The following WWP2 variants were observed in gnomAD, a reference collection of about 807,000 sequenced individuals.
WWP2 encodes the protein WW domain containing E3 ubiquitin protein ligase 2, also known as NEDD4-like E3 ubiquitin-protein ligase WWP2.
In WWP2, 57 loss-of-function variants were observed where a neutral mutation model predicts 121.0. That is an observed-to-expected ratio of 0.47 (90% CI 0.38 to 0.59). The LOEUF is 0.59. Ranked by LOEUF, WWP2 falls within the 20% of genes least tolerant of loss-of-function variation. WWP2 has a pLI of 0.00. For missense variants in WWP2, 962 were observed against 1,158.9 expected (o/e 0.83, Z 2.47); for synonymous variants, 449 against 441.3 (o/e 1.02, Z -0.22).
At chr16:69,939,451 CA>C in intron 23 of WWP2, 38 bp downstream of exon 23, 1 of 1,609,552 alleles carries the variant, frequency 6.2e-7, no homozygotes, top group Non-Finnish European at 8.5e-7. Flanking sequence ...CGGGGGGCCT[CA>C]GACCCGATGA....
At chr16:69,910,679 G>C (rs2058366727) in intron 9 of WWP2, among the ~76,000 whole-genome samples, 1 of 152,196 alleles carries the variant, frequency 6.6e-6, no homozygotes, top group South Asian at 2.1e-4. Context: ...AAAGTGCTGG[G>C]ATTACAGATG....
chr16:69,763,009 T>C (rs1031071305), intron 1 of WWP2, among the ~76,000 whole-genome samples: 3 of 152,098 alleles, frequency 2.0e-5, no homozygotes, highest in African/African-American at 7.2e-5. Flanking sequence ...GCCCTTCAGC[T>C]CATTTTTCTT....
At chr16:69,817,619 A>G (rs990363415) in intron 4 of WWP2, among the ~76,000 whole-genome samples, 8 of 98,422 alleles carry the variant, frequency 8.1e-5, no homozygotes, top group South Asian at 2.9e-4. Flanking sequence ...GGCCCTTTCT[A>G]TTGTTTTTTA....
chr16:69,913,768 A>G (rs2058435914), intron 9 of WWP2, among the ~76,000 whole-genome samples: 1 of 151,922 alleles, frequency 6.6e-6, no homozygotes, highest in Non-Finnish European at 1.5e-5. Flanking sequence ...ATTCAGTAGA[A>G]TGGTTGAAAG....
At chr16:69,780,238 C>T (rs910320064) in intron 1 of WWP2, among the ~76,000 whole-genome samples, 1 of 149,088 alleles carries the variant, frequency 6.7e-6, no homozygotes, top group African/African-American at 2.5e-5. Context: ...AGACATCGTA[C>T]TAAGGCTGCC....
intron 8 of WWP2, among the ~76,000 whole-genome samples, chr16:69,890,121 ATT>A (rs57520353): frequency 2.6e-4 from 34 of 133,028 alleles, no homozygotes; most frequent in South Asian, 7.3e-4. Flanking sequence ...TGCCTGGATA[ATT>A]TTTTTTTTTT....
chr16:69,896,569 TA>T (rs1407618094), intron 8 of WWP2, among the ~76,000 whole-genome samples: 1 of 152,158 alleles, frequency 6.6e-6, no homozygotes, highest in African/African-American at 2.4e-5. Context: ...CAGTGGCCCT[TA>T]AAATTTTTTA....
intron 8 of WWP2, among the ~76,000 whole-genome samples, chr16:69,900,939 G>A (rs1272752675): frequency 6.6e-6 from 1 of 152,168 alleles, no homozygotes; most frequent in Non-Finnish European, 1.5e-5. Flanking sequence ...GAGGCATAAA[G>A]TGCTGGTTGT....
chr16:69,882,756 T>C (rs1367130191), intron 7 of WWP2, among the ~76,000 whole-genome samples: 1 of 152,196 alleles, frequency 6.6e-6, no homozygotes, highest in Non-Finnish European at 1.5e-5. Flanking sequence ...AAATCTGCCC[T>C]CGCTCTCAAG....
chr16:69,864,099 C>T (rs1380247707), intron 6 of WWP2, among the ~76,000 whole-genome samples: 1 of 152,056 alleles, frequency 6.6e-6, no homozygotes, highest in Non-Finnish European at 1.5e-5. Context: ...TGTGGTGGCT[C>T]ATGCCTGTAA....
chr16:69,826,571 C>CAAAA (rs762732099), intron 4 of WWP2, among the ~76,000 whole-genome samples: 122 of 37,226 alleles, frequency 3.3e-3, no homozygotes, highest in Non-Finnish European at 5.6e-3. Flanking sequence ...GACTCCGTCT[C>CAAAA]AAAAAAAAAA....
In WWP2 at chr16:69,799,247, A is replaced by G. The variant is rs2056112146; in HGVS notation, c.292A>G (p.Thr98Ala). Reference sequence around the variant, plus strand: ...TACCTTGAGAAATGAACTGCTAGGCACCGCATCTGTCAACCTCTCCAACGT... The same window carrying G: ...TACCTTGAGAAATGAACTGCTAGGCGCCGCATCTGTCAACCTCTCCAACGT... Reference protein sequence around the residue: ...CHTLRNELLGTASVNLSNVLK... With the variant: ...CHTLRNELLGAASVNLSNVLK... Residue 98 changes from threonine to alanine, a missense_variant, in exon 4 of 24, where the codon ACC becomes GCC. By Grantham distance (58) the Thr-to-Ala change is moderately conservative. Coordinates refer to ENST00000359154, the MANE Select transcript of WWP2 (RefSeq NM_001270454.2). The surrounding 1 kb of genome is among the most constrained non-coding windows in gnomAD (Gnocchi z 4.5). The G allele has an allele frequency of 1.9e-6, 3 of 1,614,160 alleles. No homozygotes were observed. Among genetic ancestry groups the G allele is most frequent in the Non-Finnish European group, 2.5e-6 (3 of 1,180,028 alleles).
chr16:69,855,236 T>G (rs977659192), intron 6 of WWP2, among the ~76,000 whole-genome samples: 4 of 152,226 alleles, frequency 2.6e-5, no homozygotes, highest in African/African-American at 4.8e-5. Flanking sequence ...TTTCATGAAG[T>G]TTTTCTTCAC....
chr16:69,936,047 C>T, intron 18 of WWP2, 61 bp downstream of exon 18: 1 of 1,591,080 alleles, frequency 6.3e-7, no homozygotes, highest in East Asian at 2.2e-5. Context: ...GGGTGGGAAG[C>T]AGGTACTGAT....
intron 1 of WWP2, among the ~76,000 whole-genome samples, chr16:69,769,874 CTTT>C (rs71151134): frequency 2.7e-4 from 28 of 102,190 alleles, no homozygotes; most frequent in Non-Finnish European, 2.5e-4. Context: ...TGATCAGTGT[CTTT>C]TTTTTTTTTT....
Position 69,935,376 on chromosome 16 carries a change from T to C in WWP2, c.1843-477T>C, listed in dbSNP as rs2058781354. Among the ~76,000 whole-genome samples, 1 of 152,166 alleles carries C rather than the reference T, an allele frequency of 6.6e-6. No individual in the cohort carries two copies. The highest frequency in any genetic ancestry group is 1.5e-5 in the Non-Finnish European group (1 of 68,022). ...CCCAGCAGCCAGCAGGACAGACCGG[T>C]AAAACCCTAGACTATTACTCACCAT... On this transcript the variant is annotated intron_variant, in intron 17 of 23. Coordinates refer to ENST00000359154, the MANE Select transcript of WWP2 (RefSeq NM_001270454.2). This position sits in a 1 kb window ranked among gnomAD's most constrained non-coding sequence, Gnocchi z 5.2.
intron 2 of WWP2, among the ~76,000 whole-genome samples, chr16:69,793,959 C>T (rs958135811): frequency 4.2e-5 from 5 of 118,928 alleles, no homozygotes. Context: ...TGCTCTGTTA[C>T]CCAGGCTGGA....
At chr16:69,846,424 T>TA (rs1359914411) in intron 6 of WWP2, among the ~76,000 whole-genome samples, 1 of 152,024 alleles carries the variant, frequency 6.6e-6, no homozygotes, top group Non-Finnish European at 1.5e-5. Flanking sequence ...AGTAAAACTA[T>TA]AAAAAATGGA....
intron 21 of WWP2, among the ~76,000 whole-genome samples, chr16:69,938,731 A>G (rs1343723520): frequency 6.6e-6 from 1 of 152,158 alleles, no homozygotes; most frequent in African/African-American, 2.4e-5. Context: ...TTAAGCAGTC[A>G]CTCCCATATT....
Sources: allele counts gnomAD v4.1 joint callset (sites outside exome capture counted in the v4.1 genomes callset), GRCh38; gene constraint gnomAD v4.1.1; non-coding constraint Gnocchi (gnomAD v3.1); transcripts MANE v1.5; gene names NCBI Gene and HGNC (gene_info 2026-07-23, HGNC 2026-07-21).